The following KANK4 variants were observed in gnomAD, a reference collection of about 807,000 sequenced individuals.
KANK4 encodes KN motif and ankyrin repeat domains 4.
In KANK4, 50 loss-of-function variants were observed where a neutral mutation model predicts 80.8. The observed-to-expected ratio is 0.62, with a 90% CI of 0.49 to 0.78. KANK4 has a LOEUF of 0.78. Ranked by LOEUF, KANK4 falls within the 30% of genes least tolerant of loss-of-function variation. KANK4 has a pLI of 0.00. For missense variants in KANK4, 1,196 were observed against 1,240.1 expected (o/e 0.96, Z 0.53); for synonymous variants, 465 against 506.9 (o/e 0.92, Z 1.11).
intron 1 of KANK4, among the ~76,000 whole-genome samples, chr1:62,283,514 G>A (rs960754665): frequency 6.6e-6 from 1 of 152,184 alleles, no homozygotes; most frequent in African/African-American, 2.4e-5. Context: ...TGTCCACCCT[G>A]TAAGTCAGCC....
At chr1:62,294,982 CT>C (rs1213732330) in intron 1 of KANK4, among the ~76,000 whole-genome samples, 1 of 152,152 alleles carries the variant, frequency 6.6e-6, no homozygotes, top group Non-Finnish European at 1.5e-5. Flanking sequence ...TTTTGTTTTG[CT>C]TTAATGTGGG....
Position 62,307,463 on chromosome 1 carries a change from CAGAA to C in KANK4, c.-71+11639_-71+11642del, listed in dbSNP as rs1571050599. Reference sequence around the variant, plus strand: ...CAGCACTGCACTCCAGCCTGGGTGACAGAAAGAGACTCTGCCAAAAAAAAAAAAA... The same window carrying C: ...CAGCACTGCACTCCAGCCTGGGTGACAGAGACTCTGCCAAAAAAAAAAAAA... On this transcript the variant is annotated intron_variant, in intron 1 of 9. Coordinates refer to ENST00000371153, the MANE Select transcript of KANK4 (RefSeq NM_181712.5). Among the ~76,000 whole-genome samples the C allele has an allele frequency of 5.0e-5, 5 of 100,478 alleles. No individual in the cohort carries two copies. In the East Asian group the frequency reaches 1.4e-3, roughly 29 times the overall value. 65.9% of individuals were successfully genotyped at this position (100,478 alleles called of 152,430 possible).
chr1:62,288,733 G>C (rs1672622317), intron 1 of KANK4, among the ~76,000 whole-genome samples: 1 of 152,036 alleles, frequency 6.6e-6, no homozygotes, highest in African/African-American at 2.4e-5. Context: ...CTCCTTGGAG[G>C]GAAAAAAGGC....
At chr1:62,263,780 T>C (rs1347464894) in intron 6 of KANK4, among the ~76,000 whole-genome samples, 3 of 152,180 alleles carry the variant, frequency 2.0e-5, no homozygotes, top group Non-Finnish European at 4.4e-5. Flanking sequence ...GAAACATGCA[T>C]GCGAAGGCAA....
At chr1:62,257,284 C>T (rs1307039355) in intron 7 of KANK4, among the ~76,000 whole-genome samples, 2 of 152,124 alleles carry the variant, frequency 1.3e-5, no homozygotes, top group Non-Finnish European at 2.9e-5. Flanking sequence ...GATGGGGTTT[C>T]GCCATGTTGG....
intron 4 of KANK4, 42 bp downstream of exon 4, chr1:62,271,436 G>C: frequency 7.8e-7 from 1 of 1,277,780 alleles, no homozygotes; most frequent in South Asian, 1.2e-5. Context: ...TAGCAGGAGA[G>C]GTAGCAAGAA....
chr1:62,275,108 TA>T (rs761923018), intron 2 of KANK4, 21 bp from the exon 3 acceptor site: 47,470 of 1,041,730 alleles, frequency 0.046, no homozygotes, highest in South Asian at 0.084. Flanking sequence ...TAAGACAAGT[TA>T]AAAAAAAAAA....
At chr1:62,257,071 G>T (rs564691773) in intron 7 of KANK4, among the ~76,000 whole-genome samples, 3 of 152,142 alleles carry the variant, frequency 2.0e-5, no homozygotes, top group Admixed American at 2.0e-4. Context: ...GAGGGGCTAA[G>T]GACCCAGGAT....
At position 62,253,163 on chromosome 1, in the gene KANK4, T is replaced by TC; in HGVS notation, c.2585_2586insG (p.Met863AsnfsTer12). On this transcript the variant is annotated frameshift_variant, in exon 8 of 10. Transcript: ENST00000371153. LOFTEE classifies it high-confidence loss of function. ...CTGCGGAAGCCAAGGGAGTGATCAT[T>TC]ACGGCAGTGTAGCCAGCTTTGTTCT... 2 of 1,613,260 alleles carry TC rather than the reference T, an allele frequency of 1.2e-6. No individual in the cohort carries two copies. The highest frequency in any genetic ancestry group is 1.7e-6 in the Non-Finnish European group (2 of 1,179,836).
chr1:62,268,508 G>T lies in KANK4; in HGVS notation c.2013-3C>A, dbSNP rs371835499. On this transcript the variant is annotated splice_polypyrimidine_tract_variant and splice_region_variant and intron_variant, in intron 4 of 9. Transcript: ENST00000371153. The stretch of plus-strand genomic sequence containing the variant: ...CCTCACTTGAGGTGGTCTCATACCT[G>T]GGGTAGAAAACAAAGGTCACTCGTC... The T allele has an allele frequency of 6.2e-7, 1 of 1,612,332 alleles. No homozygotes were observed. Among genetic ancestry groups the T allele is most frequent in the Non-Finnish European group, 8.5e-7 (1 of 1,179,138 alleles).
chr1:62,274,575 C>A lies in KANK4; in HGVS notation c.529G>T (p.Glu177Ter). ...GGGGGCCCCAGGCTCAGGCCTGGCT[C>A]CTCAGAAGCCCTGCTGTGCAGCAGC... ...ATLLHSRASEEPGLSLGPPAP... is the reference protein window; with the variant it reads ...ATLLHSRASE The change falls in exon 3 of 10, where the codon GAG (glutamate) becomes TAG (stop). Residue 177 changes from glutamate (E) to a stop codon, truncating the protein, a stop_gained. Transcript: ENST00000371153. LOFTEE classifies it high-confidence loss of function. 6.2e-7 allele frequency: 1 copy of A among 1,614,026 alleles called. No individual in the cohort carries two copies. The highest frequency in any genetic ancestry group is 8.5e-7 in the Non-Finnish European group (1 of 1,179,926).
chr1:62,253,819 C>A (rs1423690431), intron 7 of KANK4, among the ~76,000 whole-genome samples: 2 of 152,236 alleles, frequency 1.3e-5, no homozygotes, highest in Non-Finnish European at 2.9e-5. Flanking sequence ...ATCTCCTAAA[C>A]TGGAGCACAA....
chr1:62,290,552 C>T (rs143761624), intron 1 of KANK4, among the ~76,000 whole-genome samples: 1 of 152,334 alleles, frequency 6.6e-6, no homozygotes, highest in African/African-American at 2.4e-5. Context: ...ATATAATAAA[C>T]ACTCAATACA....
intron 9 of KANK4, among the ~76,000 whole-genome samples, chr1:62,243,384 G>A (rs1470021768): frequency 1.3e-5 from 2 of 151,274 alleles, no homozygotes; most frequent in African/African-American, 4.9e-5. Flanking sequence ...TTTCACCCAG[G>A]TTGGAGTGCA....
At chr1:62,293,865 C>T (rs1016400963) in intron 1 of KANK4, among the ~76,000 whole-genome samples, 2 of 152,108 alleles carry the variant, frequency 1.3e-5, no homozygotes, top group Non-Finnish European at 2.9e-5. Flanking sequence ...GACCCACCTC[C>T]CCAAGATTGA....
chr1:62,265,073 C>T (rs1350339779), intron 6 of KANK4, among the ~76,000 whole-genome samples: 3 of 152,162 alleles, frequency 2.0e-5, no homozygotes, highest in African/African-American at 4.8e-5. Flanking sequence ...TCAGGTGATC[C>T]GTCCATCTCG....
chr1:62,252,956 C>G, intron 8 of KANK4, 111 bp downstream of exon 8: 1 of 1,340,422 alleles, frequency 7.5e-7, no homozygotes, highest in South Asian at 1.3e-5. Context: ...TCCCAGCCTC[C>G]TTGGGTTAAA....
chr1:62,305,115 AG>A (rs1644440414), intron 1 of KANK4, among the ~76,000 whole-genome samples: 2 of 152,194 alleles, frequency 1.3e-5, no homozygotes, highest in African/African-American at 4.8e-5. Flanking sequence ...TTGTACTAAG[AG>A]GGGTTGACCT....
chr1:62,271,637 G>A (rs1015004652), intron 3 of KANK4, 48 bp from the exon 4 acceptor site: 3 of 1,385,374 alleles, frequency 2.2e-6, no homozygotes, highest in African/African-American at 2.8e-5. Context: ...GGGATGCATG[G>A]GAATGTAGCA....
Sources: allele counts gnomAD v4.1 joint callset (sites outside exome capture counted in the v4.1 genomes callset), GRCh38; gene constraint gnomAD v4.1.1; transcripts MANE v1.5; gene names NCBI Gene and HGNC (gene_info 2026-07-23, HGNC 2026-07-21).